Variants in ZNF324B observed in about 807,000 individuals in gnomAD.
The protein encoded by ZNF324B is zinc finger protein 324B.
Under a neutral mutation model 10.6 loss-of-function variants are expected in ZNF324B, and 7 were observed. The ratio of observed to expected loss-of-function variants is 0.66; its 90% confidence interval spans 0.38 to 1.24. The LOEUF (loss-of-function observed/expected upper bound fraction) is 1.24. Among genes scored for constraint, ZNF324B ranks in the 50% most tolerant of loss-of-function variants. ZNF324B has a pLI of 0.02. For synonymous variants in ZNF324B, 316 were observed against 321.0 expected (o/e 0.98, Z 0.17); for missense variants, 640 against 764.7 (o/e 0.84, Z 1.92).
At chr19:58,451,868 C>G (rs1049092008) in intron 1 of ZNF324B, 164 bp downstream of exon 1, 5 of 250,478 alleles carry the variant, frequency 2.0e-5, no homozygotes, top group South Asian at 9.7e-5. Context: ...GACTGCCGGG[C>G]AGGCTGAGGC....
At chr19:58,427,133 T>A in the ZNF324B span, among the ~76,000 whole-genome samples, 7 of 152,094 alleles carry the variant, frequency 4.6e-5, no homozygotes, top group African/African-American at 1.7e-4. Context: ...TATTTTTATT[T>A]TTTATTATTT....
chr19:58,451,776 G>A (rs1213858000), intron 1 of ZNF324B, 72 bp downstream of exon 1: 3 of 334,492 alleles, frequency 9.0e-6, no homozygotes, highest in African/African-American at 4.6e-5. Context: ...CGGCCCGGGG[G>A]CGGTCGGGCC....
chr19:58,440,913 G>A, the ZNF324B span: 13 of 152,518 alleles, frequency 8.5e-5, no homozygotes, highest in East Asian at 1.9e-3. Flanking sequence ...CACTCCGCTG[G>A]ACTCAGCACC....
At chr19:58,434,587 G>C in the ZNF324B span, 2 of 1,614,098 alleles carry the variant, frequency 1.2e-6, no homozygotes, top group Admixed American at 1.7e-5. Context: ...TATTTCCCCA[G>C]TGTGAAACTT....
the ZNF324B span, among the ~76,000 whole-genome samples, chr19:58,431,407 T>A: frequency 6.6e-6 from 1 of 152,210 alleles, no homozygotes; most frequent in Admixed American, 6.5e-5. Flanking sequence ...CTGAAACTGC[T>A]GTTCAGTGAT....
the ZNF324B span, among the ~76,000 whole-genome samples, chr19:58,422,442 A>AT: frequency 1.3e-5 from 2 of 152,196 alleles, no homozygotes; most frequent in East Asian, 3.8e-4. Flanking sequence ...AAGGTATCCA[A>AT]ATTGGAGGAG....
At chr19:58,439,705 GATCCTGAGGGCCGGA>G in the ZNF324B span, 1 of 1,480,716 alleles carries the variant, frequency 6.8e-7, no homozygotes, top group Non-Finnish European at 9.0e-7. Flanking sequence ...TGGGCTTCAG[GATCCTGAGGGCCGGA>G]ATCCCAGCGG....
chr19:58,456,664 G>A lies in ZNF324B; in HGVS notation c.*85G>A, dbSNP rs1197778682. The A allele has an allele frequency of 6.8e-7, 1 of 1,466,988 alleles. No homozygotes were observed. Among genetic ancestry groups the A allele is most frequent in the African/African-American group, 1.4e-5 (1 of 70,944 alleles). 90.9% of individuals were successfully genotyped at this position (1,466,988 alleles called of 1,614,324 possible). ...GGGTCCGAGTGCTCTTCAGATCCAC[G>A]ATGGGGAAAAGCTCTGTGCCTGAGA... On this transcript the variant is annotated 3_prime_UTR_variant, in exon 4 of 4. Transcript: ENST00000336614. The surrounding 1 kb of genome is among the most constrained non-coding windows in gnomAD (Gnocchi z 4.7).
At chr19:58,432,801 C>T in the ZNF324B span, 1 of 166,140 alleles carries the variant, frequency 6.0e-6, no homozygotes, top group Non-Finnish European at 1.3e-5. Flanking sequence ...AACAGAACCC[C>T]TAAGATTAAA....
chr19:58,450,843 C>T (rs1435013629), upstream of ZNF324B, among the ~76,000 whole-genome samples: 1 of 152,196 alleles, frequency 6.6e-6, no homozygotes, highest in East Asian at 1.9e-4. Context: ...ATTGAGACTG[C>T]CCTGCCTTTT....
chr19:58,437,831 C>G, the ZNF324B span: 2 of 980,352 alleles, frequency 2.0e-6, no homozygotes, highest in Admixed American at 6.1e-5. Context: ...GCCTCCCCTG[C>G]CAGCCCTGTT....
At chr19:58,432,450 T>C in the ZNF324B span, 1 of 382,364 alleles carries the variant, frequency 2.6e-6, no homozygotes, top group Non-Finnish European at 5.2e-6. Flanking sequence ...TTCACCAGTC[T>C]ACCCAAATCC....
intron 1 of ZNF324B, chr19:58,452,659 G>C: frequency 2.1e-6 from 2 of 971,352 alleles, no homozygotes; most frequent in South Asian, 4.8e-5. Context: ...CAAGAGTCTG[G>C]GATGTCCCAG....
the ZNF324B span, chr19:58,432,932 C>A: frequency 6.2e-6 from 1 of 161,574 alleles, no homozygotes; most frequent in Non-Finnish European, 1.3e-5. Context: ...CAGACTTGAC[C>A]ACATCCACAA....
At chr19:58,446,810 C>T (rs1451669340), upstream of ZNF324B, among the ~76,000 whole-genome samples, 4 of 152,002 alleles carry the variant, frequency 2.6e-5, no homozygotes, top group East Asian at 1.9e-4. Context: ...CTCCTGACCT[C>T]GTGATCCCCC....
chr19:58,451,810 C>G (rs2052860526), intron 1 of ZNF324B, 106 bp downstream of exon 1: 13 of 299,044 alleles, frequency 4.3e-5, no homozygotes, highest in South Asian at 2.9e-4. Flanking sequence ...CGCGTTCTCC[C>G]GCCCCGCGGA....
At chr19:58,420,732 T>A in the ZNF324B span, among the ~76,000 whole-genome samples, 26,490 of 151,438 alleles carry the variant, frequency 0.17, 2,557 homozygotes, top group Non-Finnish European at 0.22. Flanking sequence ...TTTTTTGAGA[T>A]GGAGTCACTC....
chr19:58,429,864 T>C, the ZNF324B span: 1 of 152,240 alleles, frequency 6.6e-6, no homozygotes, highest in Non-Finnish European at 1.5e-5. Flanking sequence ...CATGAGATCT[T>C]GCCAGGTGGC....
chr19:58,447,114 T>TA (rs2052831651), upstream of ZNF324B, among the ~76,000 whole-genome samples: 1 of 152,154 alleles, frequency 6.6e-6, no homozygotes, highest in Admixed American at 6.6e-5. Flanking sequence ...TAGCTGGACT[T>TA]ACAGGCGTGT....
Sources: gnomAD v4.1 joint callset for allele counts (sites outside exome capture counted in the v4.1 genomes callset) on GRCh38, gnomAD v4.1.1 for gene constraint, Gnocchi (gnomAD v3.1) non-coding constraint, MANE v1.5 for transcripts, NCBI Gene and HGNC (gene_info 2026-07-23, HGNC 2026-07-21) for gene names.